Variants in HIVEP3 observed in about 807,000 individuals in gnomAD.
HIVEP3 encodes the protein transcription factor HIVEP3.
HIVEP3 carries 49 observed loss-of-function variants against 152.8 expected under a neutral mutation model. The observed-to-expected ratio is 0.32, with a 90% CI of 0.26 to 0.41. The LOEUF is 0.41. HIVEP3 is among the 10% of genes least tolerant of loss of function. The probability of loss-of-function intolerance (pLI) is 1.00; values close to 1 mark genes in which losing one functional copy is unlikely to be tolerated. For synonymous variants in HIVEP3, 1,269 were observed against 1,289.0 expected (o/e 0.98, Z 0.33); for missense variants, 2,790 against 3,103.3 (o/e 0.90, Z 2.40).
chr1:41,513,586 AGGATGGTCT>A lies in HIVEP3; in HGVS notation c.5626_5634del (p.Arg1876_Ser1878del), dbSNP rs1642516180. 2.5e-6 allele frequency: 4 copies of A among 1,613,446 alleles called. No individual in the cohort carries two copies. The highest frequency in any genetic ancestry group is 1.7e-5 in the Admixed American group (1 of 59,986). ...GGTGGGCCAGGCGGGGGCGCCTCTG[AGGATGGTCT>A]GGACAGCTCATCCTGGCTCTCCTCC... On this transcript the variant is annotated inframe_deletion, in exon 8 of 9. Coordinates refer to ENST00000372583, the MANE Select transcript of HIVEP3 (RefSeq NM_024503.5).
rs550983799 is a variant in HIVEP3, at chr1:41,770,265, T to G, written c.-800-69270A>C. Among the ~76,000 whole-genome samples the G allele has an allele frequency of 3.9e-5, 6 of 152,262 alleles. No homozygotes were observed. In the South Asian group the frequency reaches 1.2e-3, roughly 32 times the overall value. On this transcript the variant is annotated intron_variant, in intron 1 of 8. Coordinates refer to ENST00000372583, the MANE Select transcript of HIVEP3 (RefSeq NM_024503.5). ...TGGGATTACAGATGAATGCTAAAATTAAAAGGTAAAGCTTTAAGGAGAAAC... is the reference window on the plus strand; with the variant it reads ...TGGGATTACAGATGAATGCTAAAATGAAAAGGTAAAGCTTTAAGGAGAAAC...
chr1:41,794,605 A>G (rs1170420465), intron 1 of HIVEP3, among the ~76,000 whole-genome samples: 2 of 152,300 alleles, frequency 1.3e-5, no homozygotes, highest in South Asian at 2.1e-4. Flanking sequence ...ACAAAAAACA[A>G]AAAAACCCTA....
At chr1:42,017,044 T>A (rs1645527090) in intron 1 of HIVEP3, among the ~76,000 whole-genome samples, 1 of 152,120 alleles carries the variant, frequency 6.6e-6, no homozygotes, top group Non-Finnish European at 1.5e-5. Flanking sequence ...ACACTGAGTA[T>A]TTTGTATCTT....
At chr1:41,970,357 A>G (rs1049375350) in intron 1 of HIVEP3, among the ~76,000 whole-genome samples, 17 of 152,252 alleles carry the variant, frequency 1.1e-4, no homozygotes, top group African/African-American at 2.2e-4. Flanking sequence ...CCATGCAGCC[A>G]TAAAAAGGTA....
At chr1:41,589,143 A>G (rs6600380) in intron 3 of HIVEP3, among the ~76,000 whole-genome samples, 76,303 of 152,144 alleles carry the variant, frequency 0.5, 19,936 homozygotes, top group Non-Finnish European at 0.58. Flanking sequence ...CCACTTTTCC[A>G]GGGAATTGGT....
intron 5 of HIVEP3, among the ~76,000 whole-genome samples, chr1:41,525,547 G>A (rs979304379): frequency 1.2e-4 from 19 of 152,254 alleles, no homozygotes; most frequent in African/African-American, 4.3e-4. Flanking sequence ...AAGGAACAGG[G>A]ACCACCATTG....
chr1:41,609,430 C>T (rs1055438829), intron 3 of HIVEP3, among the ~76,000 whole-genome samples: 1 of 152,228 alleles, frequency 6.6e-6, no homozygotes, highest in Non-Finnish European at 1.5e-5. Context: ...TGCAAGCCTC[C>T]GTGTAGGCAC....
chr1:41,912,153 C>T (rs1644806146), intron 1 of HIVEP3, among the ~76,000 whole-genome samples: 1 of 152,074 alleles, frequency 6.6e-6, no homozygotes, highest in African/African-American at 2.4e-5. Flanking sequence ...ATAAAAGGTA[C>T]AGAAATGTCC....
intron 1 of HIVEP3, among the ~76,000 whole-genome samples, chr1:41,850,682 T>C (rs1349055925): frequency 6.6e-6 from 1 of 152,236 alleles, no homozygotes; most frequent in Non-Finnish European, 1.5e-5. Context: ...AAGGCTATGA[T>C]GGAAGCAATT....
At chr1:41,969,563 C>G (rs1272051903) in intron 1 of HIVEP3, among the ~76,000 whole-genome samples, 1 of 151,914 alleles carries the variant, frequency 6.6e-6, no homozygotes, top group Non-Finnish European at 1.5e-5. Flanking sequence ...TAGCTCAAGA[C>G]GAATTAAACG....
intron 1 of HIVEP3, among the ~76,000 whole-genome samples, chr1:42,015,410 T>C (rs977046658): frequency 3.3e-5 from 5 of 152,200 alleles, no homozygotes; most frequent in Non-Finnish European, 7.4e-5. Flanking sequence ...ATGGGTTTCC[T>C]CTGCTCTCTG....
intron 1 of HIVEP3, among the ~76,000 whole-genome samples, chr1:41,823,804 T>G (rs1642679707): frequency 6.6e-6 from 1 of 152,294 alleles, no homozygotes; most frequent in Admixed American, 6.5e-5. Context: ...CTGGTGTCAC[T>G]GGGGGTACAC....
At chr1:41,544,690 CTGCTACCAT>C (rs1643629283) in intron 5 of HIVEP3, among the ~76,000 whole-genome samples, 2 of 81,278 alleles carry the variant, frequency 2.5e-5, no homozygotes, top group African/African-American at 5.3e-5. Flanking sequence ...TCTACCACCA[CTGCTACCAT>C]CACCACCACC....
At position 41,596,004 on chromosome 1, in the gene HIVEP3, TACAAGGTTCA is replaced by T. The variant is rs1267549170; in HGVS notation, c.-521-10696_-521-10687del. ...TGTCCCTCTAGAGAACCCTGACTAA[TACAAGGTTCA>T]ATGTACGCAAAGCACAGGGGGCTGG... On this transcript the variant is annotated intron_variant, in intron 3 of 8. Coordinates refer to ENST00000372583, the MANE Select transcript of HIVEP3 (RefSeq NM_024503.5). Among the ~76,000 whole-genome samples, 134 of 152,134 alleles carry T rather than the reference TACAAGGTTCA, an allele frequency of 8.8e-4. 2 individuals carry two copies. The highest frequency in any genetic ancestry group is 1.9e-4 in the Non-Finnish European group (13 of 68,010).
At chr1:42,007,797 G>A (rs1352827434) in intron 1 of HIVEP3, among the ~76,000 whole-genome samples, 1 of 141,402 alleles carries the variant, frequency 7.1e-6, no homozygotes, top group Admixed American at 7.3e-5. Context: ...AATGGTTATC[G>A]CAAAAGTAAT....
intron 1 of HIVEP3, among the ~76,000 whole-genome samples, chr1:41,791,252 C>T (rs1187063153): frequency 6.6e-6 from 1 of 152,154 alleles, no homozygotes; most frequent in Non-Finnish European, 1.5e-5. Context: ...GCACTAGCTG[C>T]TTTTTATCCC....
At chr1:41,708,114 A>G (rs1646460875) in intron 1 of HIVEP3, among the ~76,000 whole-genome samples, 1 of 152,216 alleles carries the variant, frequency 6.6e-6, no homozygotes, top group Admixed American at 6.5e-5. Context: ...AGGATTCGAT[A>G]GAATCCTCTG....
intron 1 of HIVEP3, among the ~76,000 whole-genome samples, chr1:41,982,699 C>T (rs1645299967): frequency 6.6e-6 from 1 of 152,054 alleles, no homozygotes; most frequent in Admixed American, 6.5e-5. Flanking sequence ...TAATTACTTG[C>T]CGACAGAATT....
chr1:41,750,492 G>C (rs556648936), intron 1 of HIVEP3, among the ~76,000 whole-genome samples: 3 of 152,310 alleles, frequency 2.0e-5, no homozygotes, highest in Admixed American at 2.0e-4. Context: ...ATCAGATTCT[G>C]CAGGTCTGGG....
Sources: gnomAD v4.1 joint callset for allele counts (sites outside exome capture counted in the v4.1 genomes callset) on GRCh38, gnomAD v4.1.1 for gene constraint, MANE v1.5 for transcripts, NCBI Gene and HGNC (gene_info 2026-07-23, HGNC 2026-07-21) for gene names.